Variants in ABCA5 observed in about 807,000 individuals in gnomAD.
ABCA5 encodes ATP binding cassette subfamily A member 5.
A neutral mutation model predicts 206.0 loss-of-function variants in ABCA5; 163 were observed. The ratio of observed to expected loss-of-function variants is 0.79; its 90% CI spans 0.70 to 0.90. The LOEUF (loss-of-function observed/expected upper bound fraction) is 0.90, where lower values mean the gene tolerates loss of function less well. Ranked by LOEUF, ABCA5 falls within the 40% of genes least tolerant of loss-of-function variation. ABCA5 has a pLI of 0.00. For missense variants in ABCA5, 1,859 were observed against 1,912.9 expected, an observed-to-expected ratio of 0.97 and a Z score of 0.53; for synonymous variants, 609 against 613.8, an observed-to-expected ratio of 0.99 and a Z score of 0.11.
At chr17:69,258,612 A>C (rs1485930129) in intron 28 of ABCA5, among the ~76,000 whole-genome samples, 1 of 152,128 alleles carries the variant, frequency 6.6e-6, no homozygotes, top group Non-Finnish European at 1.5e-5. Context: ...CCATTTGGGT[A>C]ATGTTACAAT....
chr17:69,256,860 A>G (rs2075089015), intron 28 of ABCA5, among the ~76,000 whole-genome samples: 1 of 152,158 alleles, frequency 6.6e-6, no homozygotes, highest in Non-Finnish European at 1.5e-5. Flanking sequence ...AGGTATTATT[A>G]CACAGAAAGA....
chr17:69,284,926 C>T (rs978184077), intron 17 of ABCA5, among the ~76,000 whole-genome samples: 1 of 152,072 alleles, frequency 6.6e-6, no homozygotes. Flanking sequence ...AGTGAAATAC[C>T]GTGACAATTT....
intron 4 of ABCA5, among the ~76,000 whole-genome samples, chr17:69,308,822 T>G (rs2075743539): frequency 6.6e-6 from 1 of 152,154 alleles, no homozygotes. Flanking sequence ...CAATAAATGT[T>G]TGTGGTTGAT....
chr17:69,251,971 T>C, intron 34 of ABCA5, 105 bp from the exon 35 acceptor site: 1 of 1,252,230 alleles, frequency 8.0e-7, no homozygotes, highest in South Asian at 1.4e-5. Flanking sequence ...AATTAAAACT[T>C]ACCAAATATC....
chr17:69,264,416 T>C (rs763077123), intron 24 of ABCA5, among the ~76,000 whole-genome samples: 4 of 152,190 alleles, frequency 2.6e-5, no homozygotes, highest in African/African-American at 4.8e-5. Context: ...GTGAAATTAT[T>C]TTCAGGCATA....
chr17:69,306,674 TA>T (rs2145025091), intron 6 of ABCA5, 50 bp downstream of exon 6: 1 of 916,060 alleles, frequency 1.1e-6, no homozygotes, highest in Non-Finnish European at 1.5e-6. Context: ...AAAATCTGTA[TA>T]TTTAATACAA....
chr17:69,304,615 T>C (rs2075697538), intron 7 of ABCA5, 54 bp downstream of exon 7: 4 of 1,402,690 alleles, frequency 2.9e-6, no homozygotes, highest in African/African-American at 2.9e-5. Context: ...GACTTTGCTA[T>C]GTTATCAAAC....
Position 69,245,474 on chromosome 17 carries a change from T to A in ABCA5, c.*2063A>T, listed in dbSNP as rs917333302. 1 of 151,998 alleles carries A rather than the reference T, an allele frequency of 6.6e-6. No individual in the cohort carries two copies. The highest frequency in any genetic ancestry group is 2.4e-5 in the African/African-American group (1 of 41,446). 9.4% of individuals were successfully genotyped at this position (151,998 alleles called of 1,614,324 possible). A position where few individuals can be genotyped will look rare whatever the true frequency, so the allele number is the denominator to read the frequency against. On this transcript the variant is annotated 3_prime_UTR_variant, in exon 39 of 39. Coordinates refer to ENST00000392676, the MANE Select transcript of ABCA5 (RefSeq NM_172232.4). Reference sequence around the variant, plus strand: ...TACACTGTAAATAAATATATTTCACTTTTTGCCTCCTTTGCTTTCCAGCTC... The same window carrying A: ...TACACTGTAAATAAATATATTTCACATTTTGCCTCCTTTGCTTTCCAGCTC...
Position 69,247,647 on chromosome 17 carries a change from A to T in ABCA5, c.4822-3T>A, listed in dbSNP as rs374852150. 7.0e-6 allele frequency: 11 copies of T among 1,573,010 alleles called. No individual in the cohort carries two copies. The highest frequency in any genetic ancestry group is 1.4e-5 in the African/African-American group (1 of 73,564). On this transcript the variant is annotated splice_region_variant and splice_polypyrimidine_tract_variant and intron_variant, in intron 38 of 38. Transcript: ENST00000392676. ...TCTTTAGTGAGTTCTACAAAAACCT[A>T]GGTGAAAAGAAATAAATGAATACAG...
At chr17:69,321,499 A>C (rs2075865520) in intron 1 of ABCA5, among the ~76,000 whole-genome samples, 1 of 152,222 alleles carries the variant, frequency 6.6e-6, no homozygotes, top group Admixed American at 6.5e-5. Context: ...TTATAGCTTT[A>C]TGTGATGGTT....
chr17:69,261,702 T>A lies in ABCA5; in HGVS notation c.3362A>T (p.Tyr1121Phe). The change falls in exon 25 of 39, where the codon TAT (tyrosine) becomes TTT (phenylalanine). Residue 1121 changes from tyrosine (Y) to phenylalanine (F), a missense_variant. Transcript: ENST00000392676. ...GYVPSVILFTYIASFTFKKIL... is the reference protein window; with the variant it reads ...GYVPSVILFTFIASFTFKKIL... Reference sequence around the variant, plus strand: ...TTTCTTAAAGGTGAAAGAAGCAATATAAGTGAACAGAATAACTGATGGAAC... The same window carrying A: ...TTTCTTAAAGGTGAAAGAAGCAATAAAAGTGAACAGAATAACTGATGGAAC... The A allele has an allele frequency of 6.6e-7, 1 of 1,516,642 alleles. No homozygotes were observed. The highest frequency in any genetic ancestry group is 8.8e-7 in the Non-Finnish European group (1 of 1,130,396). The allele number at this position is 1,516,642 out of a possible 1,614,324, so 93.9% of individuals were successfully genotyped here.
intron 19 of ABCA5, among the ~76,000 whole-genome samples, chr17:69,276,862 G>C (rs779616497): frequency 6.6e-6 from 1 of 152,018 alleles, no homozygotes; most frequent in Non-Finnish European, 1.5e-5. Flanking sequence ...CAGTAATGCC[G>C]ACCAGGGAAT....
Position 69,256,185 on chromosome 17 carries a change from T to A in ABCA5, c.3830A>T (p.Glu1277Val), listed in dbSNP as rs1012526312. The stretch of plus-strand genomic sequence containing the variant: ...CTCACAACACTGGCAACCCATCAGC[T>A]CTTTGACCTTTAGTCTTTCAGCTTT... The part of the protein sequence containing the change: ...DVKAERLKVK[E>V]LMGCQCCEEK... The change falls in exon 29 of 39, where the codon GAG (glutamate) becomes GTG (valine). Residue 1277 changes from glutamate to valine, a missense_variant. Glu to Val is a moderately radical substitution (Grantham distance 121). Coordinates refer to ENST00000392676, the MANE Select transcript of ABCA5 (RefSeq NM_172232.4). 2 of 1,609,234 alleles carry A rather than the reference T, an allele frequency of 1.2e-6. No homozygotes were observed. Among genetic ancestry groups the A allele is most frequent in the Admixed American group, 3.4e-5 (2 of 59,602 alleles).
At position 69,277,855 on chromosome 17, in the gene ABCA5, A is replaced by C; in HGVS notation, c.2393-13T>G. 1 of 1,481,024 alleles carries C rather than the reference A, an allele frequency of 6.8e-7. No individual in the cohort carries two copies. Among genetic ancestry groups the C allele is most frequent in the East Asian group, 2.4e-5 (1 of 41,080 alleles). The allele number at this position is 1,481,024 out of a possible 1,614,324, so 91.7% of individuals were successfully genotyped here. A position where few individuals can be genotyped will look rare whatever the true frequency, so the allele number is the denominator to read the frequency against. On this transcript the variant is annotated splice_polypyrimidine_tract_variant and intron_variant, in intron 18 of 38. Transcript: ENST00000392676. Reference sequence around the variant, plus strand: ...AATACACTATAATCTATTTGCCAAAACAAAACAAACATTTCAGTATGTTCA... The same window carrying C: ...AATACACTATAATCTATTTGCCAAACCAAAACAAACATTTCAGTATGTTCA...
chr17:69,259,835 T>C (rs752102012), intron 27 of ABCA5, 38 bp from the exon 28 acceptor site: 1 of 1,314,224 alleles, frequency 7.6e-7, no homozygotes, highest in Non-Finnish European at 1.1e-6. Flanking sequence ...GACTAAAAGA[T>C]TTGTTGTTGT....
At chr17:69,254,665 C>T (rs1168304644) in intron 31 of ABCA5, among the ~76,000 whole-genome samples, 175 bp from the exon 32 acceptor site, 2 of 152,046 alleles carry the variant, frequency 1.3e-5, no homozygotes, top group Non-Finnish European at 2.9e-5. Context: ...AAACATGTGC[C>T]ACCATGCCTG....
At chr17:69,276,149 C>T (rs1316930281) in intron 19 of ABCA5, among the ~76,000 whole-genome samples, 2 of 152,084 alleles carry the variant, frequency 1.3e-5, no homozygotes, top group East Asian at 3.9e-4. Flanking sequence ...TGCAGTGGCA[C>T]GATCTTGGCT....
At chr17:69,261,870 A>T (rs2075151887) in intron 24 of ABCA5, 122 bp from the exon 25 acceptor site, 1 of 426,192 alleles carries the variant, frequency 2.3e-6, no homozygotes. Flanking sequence ...ATTTAAACTG[A>T]ACACTACTTG....
chr17:69,258,238 C>G (rs2075105201), intron 28 of ABCA5, among the ~76,000 whole-genome samples: 1 of 152,020 alleles, frequency 6.6e-6, no homozygotes, highest in Admixed American at 6.6e-5. Flanking sequence ...CATCATGGTA[C>G]TATTCACAAT....
Sources: gnomAD v4.1 joint callset for allele counts (sites outside exome capture counted in the v4.1 genomes callset) on GRCh38, gnomAD v4.1.1 for gene constraint, MANE v1.5 for transcripts, NCBI Gene and HGNC (gene_info 2026-07-23, HGNC 2026-07-21) for gene names.